The following EBF1 variants were observed in gnomAD, a reference collection of about 807,000 sequenced individuals.
EBF1 encodes the protein transcription factor COE1.
In EBF1, 10 loss-of-function variants were observed where a neutral mutation model predicts 68.4. That is an observed-to-expected ratio of 0.15 (90% CI 0.09 to 0.25). The LOEUF is 0.25. Ranked by LOEUF, EBF1 falls within the 10% of genes least tolerant of loss-of-function variation. The pLI is 1.00. For synonymous variants in EBF1, 298 were observed against 299.8 expected, an observed-to-expected ratio of 0.99 and a Z score of 0.06; for missense variants, 509 against 794.4, an observed-to-expected ratio of 0.64 and a Z score of 4.32.
intron 10 of EBF1, among the ~76,000 whole-genome samples, chr5:158,772,209 A>G (rs1774010712): frequency 6.6e-6 from 1 of 152,172 alleles, no homozygotes; most frequent in African/African-American, 2.4e-5. Flanking sequence ...AGTGCAGGAG[A>G]TCCATTAGGT....
chr5:159,040,379 T>C (rs1399840492), intron 6 of EBF1, among the ~76,000 whole-genome samples: 1 of 152,190 alleles, frequency 6.6e-6, no homozygotes, highest in Non-Finnish European at 1.5e-5. Context: ...ATGGCTATGA[T>C]CCAGATTACA....
chr5:158,712,280 T>C lies in EBF1; in HGVS notation c.1423A>G (p.Thr475Ala). Residue 475 changes from threonine (T) to alanine (A), a missense_variant, in exon 14 of 16, where the codon ACT (threonine) becomes GCT (alanine). By Grantham distance (58) the Thr-to-Ala change is moderately conservative (BLOSUM62 0). This residue lies in a region of EBF1 where 205 missense variants were observed against 247.4 expected (regional missense o/e 0.83). Transcript: ENST00000313708. Reference sequence around the variant, plus strand: ...GAGTTATAGTTGGTCTGCTGGGGAGTGGTGCTCGGCACGTACCCGTGTGGT... The same window carrying C: ...GAGTTATAGTTGGTCTGCTGGGGAGCGGTGCTCGGCACGTACCCGTGTGGT... ...VSPHGYVPST[T>A]PQQTNYNSVT... The C allele has an allele frequency of 6.2e-7, 1 of 1,613,478 alleles. No homozygotes were observed. Among genetic ancestry groups the C allele is most frequent in the Middle Eastern group, 1.7e-4 (1 of 6,058 alleles).
intron 6 of EBF1, among the ~76,000 whole-genome samples, chr5:158,946,260 G>A (rs181561080): frequency 6.6e-6 from 1 of 152,236 alleles, no homozygotes; most frequent in Non-Finnish European, 1.5e-5. Context: ...GAGGAGAAGA[G>A]GCATCCCGGT....
intron 6 of EBF1, among the ~76,000 whole-genome samples, chr5:158,958,716 G>A (rs975349404): frequency 6.6e-6 from 1 of 152,058 alleles, no homozygotes; most frequent in African/African-American, 2.4e-5. Flanking sequence ...ACATAGAGGG[G>A]AGAAGGCCTG....
chr5:159,013,360 G>T (rs141428427), intron 6 of EBF1, among the ~76,000 whole-genome samples: 2 of 152,146 alleles, frequency 1.3e-5, no homozygotes, highest in Admixed American at 6.5e-5. Context: ...CTCCTAAGAG[G>T]ACTCTAGGCA....
chr5:158,857,822 G>A (rs1220750045), intron 6 of EBF1, among the ~76,000 whole-genome samples: 1 of 152,136 alleles, frequency 6.6e-6, no homozygotes, highest in African/African-American at 2.4e-5. Flanking sequence ...AGCCTCTCTA[G>A]AATTAGAGTA....
At chr5:158,922,537 C>T (rs1808662361) in intron 6 of EBF1, among the ~76,000 whole-genome samples, 1 of 152,200 alleles carries the variant, frequency 6.6e-6, no homozygotes, top group Non-Finnish European at 1.5e-5. Context: ...ATGCATCACT[C>T]TAGAAATTAG....
At chr5:158,767,361 C>CA (rs1303539774) in intron 10 of EBF1, among the ~76,000 whole-genome samples, 1 of 152,130 alleles carries the variant, frequency 6.6e-6, no homozygotes, top group Non-Finnish European at 1.5e-5. Context: ...TGTCAGAACT[C>CA]ACGTGTCCTA....
intron 6 of EBF1, among the ~76,000 whole-genome samples, chr5:158,929,354 A>C (rs1262119340): frequency 6.6e-6 from 1 of 152,236 alleles, no homozygotes; most frequent in Non-Finnish European, 1.5e-5. Flanking sequence ...CTGTCTGTCC[A>C]CAGTACAGAT....
chr5:158,726,463 G>T (rs1763005791), intron 11 of EBF1, among the ~76,000 whole-genome samples: 1 of 152,152 alleles, frequency 6.6e-6, no homozygotes, highest in Non-Finnish European at 1.5e-5. Context: ...TTCTATCAAG[G>T]CTCAGGGGTA....
In EBF1 at chr5:159,036,116, A is replaced by G. The variant is rs565094740; in HGVS notation, c.554+37280T>C. Among the ~76,000 whole-genome samples, 4 of 152,314 alleles carry G rather than the reference A, an allele frequency of 2.6e-5. No homozygotes were observed. In the East Asian group the frequency reaches 7.7e-4, roughly 29 times the overall value. Reference sequence around the variant, plus strand: ...TGTGATGCAGGATAAAAGACTGAAGACAGTGATTGAGAGATCAGAAGAGAA... The same window carrying G: ...TGTGATGCAGGATAAAAGACTGAAGGCAGTGATTGAGAGATCAGAAGAGAA... On this transcript the variant is annotated intron_variant, in intron 6 of 15. Coordinates refer to ENST00000313708, the MANE Select transcript of EBF1 (RefSeq NM_024007.5).
At chr5:159,057,088 T>C (rs940023603) in intron 6 of EBF1, among the ~76,000 whole-genome samples, 92 of 147,104 alleles carry the variant, frequency 6.3e-4, no homozygotes, top group African/African-American at 2.2e-3. Context: ...ATAATTTCTT[T>C]CTTTTCTTTT....
rs773834455 is a variant in EBF1 at position 158,721,597 on chromosome 5, C to T, written c.1126-7415G>A. Among the ~76,000 whole-genome samples, 34 of 152,094 alleles carry T rather than the reference C, an allele frequency of 2.2e-4. 1 individual carries two copies. Among genetic ancestry groups the T allele is most frequent in the Non-Finnish European group, 1.5e-5 (1 of 68,016 alleles). On this transcript the variant is annotated intron_variant, in intron 11 of 15. Coordinates refer to ENST00000313708, the MANE Select transcript of EBF1 (RefSeq NM_024007.5). ...TGAAAATTGTTCGCTGCCTATTAGA[C>T]CAGGTAATTTTTATCTGGTGCCTCA... is the stretch of plus-strand genomic sequence containing the variant.
At chr5:159,013,213 T>C (rs1265051942) in intron 6 of EBF1, among the ~76,000 whole-genome samples, 1 of 152,192 alleles carries the variant, frequency 6.6e-6, no homozygotes. Flanking sequence ...ATATATGAAT[T>C]TTCAAATTGG....
chr5:158,728,484 ATTCCCAT>A (rs1581381242), intron 11 of EBF1, among the ~76,000 whole-genome samples: 2 of 152,186 alleles, frequency 1.3e-5, no homozygotes, highest in African/African-American at 4.8e-5. Flanking sequence ...TCAACCCTAG[ATTCCCAT>A]TTCTCTCCTT....
At chr5:158,943,267 C>G (rs1452099876) in intron 6 of EBF1, among the ~76,000 whole-genome samples, 1 of 151,992 alleles carries the variant, frequency 6.6e-6, no homozygotes, top group East Asian at 1.9e-4. Flanking sequence ...TTAGGGCTAA[C>G]TTCCAGAGTC....
chr5:159,096,554 T>C (rs564108941), intron 2 of EBF1, 148 bp from the exon 3 acceptor site: 383 of 815,902 alleles, frequency 4.7e-4, no homozygotes, highest in Non-Finnish European at 6.5e-4. Flanking sequence ...TTGTGGCCAA[T>C]TGTGATCCCT....
intron 6 of EBF1, among the ~76,000 whole-genome samples, chr5:158,886,669 A>G (rs1800102046): frequency 6.6e-6 from 1 of 152,264 alleles, no homozygotes; most frequent in South Asian, 2.1e-4. Context: ...GAGAAAATGC[A>G]TACTTATTTT....
chr5:158,775,511 A>C (rs894816788), intron 10 of EBF1, among the ~76,000 whole-genome samples: 4 of 151,984 alleles, frequency 2.6e-5, no homozygotes, highest in Admixed American at 2.6e-4. Context: ...TCTTGTTCTT[A>C]ATAGCTGAGT....
Sources: gnomAD v4.1 joint callset for allele counts (sites outside exome capture counted in the v4.1 genomes callset) on GRCh38, gnomAD v4.1.1 for gene constraint, gnomAD v4.1.1 regional missense constraint, MANE v1.5 for transcripts, NCBI Gene and HGNC (gene_info 2026-07-23, HGNC 2026-07-21) for gene names.